Variants in EPS8 observed in about 807,000 individuals in gnomAD.
EPS8 encodes the protein epidermal growth factor receptor kinase substrate 8.
EPS8 carries 42 observed loss-of-function variants against 103.8 expected under a neutral mutation model. The observed-to-expected ratio is 0.40, with a 90% CI of 0.32 to 0.52. The LOEUF (loss-of-function observed/expected upper bound fraction) is 0.52. Ranked by LOEUF, EPS8 falls within the 20% of genes least tolerant of loss-of-function variation. The pLI is 0.40. For missense variants in EPS8, 969 were observed against 1,005.1 expected, an observed-to-expected ratio of 0.96 and a Z score of 0.49; for synonymous variants, 344 against 344.6, an observed-to-expected ratio of 1.00 and a Z score of 0.02.
At chr12:15,753,807 T>C (rs1193271497) in intron 1 of EPS8, among the ~76,000 whole-genome samples, 1 of 152,252 alleles carries the variant, frequency 6.6e-6, no homozygotes, top group East Asian at 1.9e-4. Flanking sequence ...TCCTGAATTT[T>C]ATTAATTTGA....
chr12:15,721,596 T>G lies in EPS8; in HGVS notation c.-21-38624A>C, dbSNP rs1207649672. Among the ~76,000 whole-genome samples, 9 of 152,210 alleles carry G rather than the reference T, an allele frequency of 5.9e-5. No homozygotes were observed. The highest frequency in any genetic ancestry group is 2.9e-5 in the Non-Finnish European group (2 of 68,034). On this transcript the variant is annotated intron_variant, in intron 1 of 20. Coordinates refer to ENST00000281172, the MANE Select transcript of EPS8 (RefSeq NM_004447.6). The surrounding 1 kb of genome is among the most constrained non-coding windows in gnomAD (Gnocchi z 4.4). ...TGCTCTACATCTCAGCCCATCAGTT[T>G]TCCTTCTTTGGAATAGTACATTTTA...
chr12:15,635,010 A>G (rs1230948478), intron 17 of EPS8, among the ~76,000 whole-genome samples: 2 of 152,296 alleles, frequency 1.3e-5, no homozygotes, highest in Non-Finnish European at 1.5e-5. Context: ...GTACTTCAAC[A>G]GTAACTATTT....
At chr12:15,674,841 A>G (rs944277047) in intron 3 of EPS8, among the ~76,000 whole-genome samples, 3 of 56,284 alleles carry the variant, frequency 5.3e-5, no homozygotes, top group African/African-American at 2.1e-4. Flanking sequence ...TCAAAAAAAA[A>G]TTTGTTCTGT....
At position 15,733,220 on chromosome 12, in the gene EPS8, G is replaced by T. The variant is rs1946736145; in HGVS notation, c.-21-50248C>A. Among the ~76,000 whole-genome samples the T allele has an allele frequency of 2.0e-5, 3 of 152,178 alleles. No individual in the cohort carries two copies. In the South Asian group the frequency reaches 6.2e-4, roughly 31 times the overall value. The stretch of plus-strand genomic sequence containing the variant: ...GCTTAACAGGAAGCATAGCTGAGAG[G>T]CCTCAGGAAACTTAGAATCATGGTG... On this transcript the variant is annotated intron_variant, in intron 1 of 20. Transcript: ENST00000281172. The surrounding 1 kb of genome is among the most constrained non-coding windows in gnomAD (Gnocchi z 4.8).
Position 15,751,658 on chromosome 12 carries a change from C to T in EPS8, c.-22+37503G>A, listed in dbSNP as rs1946933008. On this transcript the variant is annotated intron_variant, in intron 1 of 20. Coordinates refer to ENST00000281172, the MANE Select transcript of EPS8 (RefSeq NM_004447.6). This position sits in a 1 kb window ranked among gnomAD's most constrained non-coding sequence, Gnocchi z 4.3. ...CAAGATTTTTTGCCTTTACAAAGGTCACAACCTAGTGAATGAAAGAATATA... is the reference window on the plus strand; with the variant it reads ...CAAGATTTTTTGCCTTTACAAAGGTTACAACCTAGTGAATGAAAGAATATA... 6.6e-6 allele frequency among the ~76,000 whole-genome samples: 1 copy of T among 152,056 alleles called. No homozygotes were observed. The highest frequency in any genetic ancestry group is 1.5e-5 in the Non-Finnish European group (1 of 68,010).
In EPS8 at chr12:15,621,280, T is replaced by C. The variant is rs371604099; in HGVS notation, c.*37A>G. The C allele has an allele frequency of 9.1e-7, 1 of 1,097,574 alleles. No individual in the cohort carries two copies. The highest frequency in any genetic ancestry group is 1.3e-6 in the Non-Finnish European group (1 of 754,112). The allele number at this position is 1,097,574 out of a possible 1,614,324, so 68.0% of individuals were successfully genotyped here. On this transcript the variant is annotated 3_prime_UTR_variant, in exon 21 of 21. Transcript: ENST00000281172. Reference sequence around the variant, plus strand: ...CTTAAAACAAAGCATGTTGGAATAATGCCAAAAACAATGGAGTTTAAATAC... The same window carrying C: ...CTTAAAACAAAGCATGTTGGAATAACGCCAAAAACAATGGAGTTTAAATAC...
rs1047197341 is a variant in EPS8 at position 15,738,527 on chromosome 12, C to T, written c.-22+50634G>A. ...TAATTCATTGAACTTACTGAAGGTC[C>T]TTCTATAATAAGAACATTCTTAGCC... On this transcript the variant is annotated intron_variant, in intron 1 of 20. Transcript: ENST00000281172. The surrounding 1 kb of genome is among the most constrained non-coding windows in gnomAD (Gnocchi z 6.2). 2.0e-5 allele frequency among the ~76,000 whole-genome samples: 3 copies of T among 152,062 alleles called. No individual in the cohort carries two copies. Among genetic ancestry groups the T allele is most frequent in the Non-Finnish European group, 4.4e-5 (3 of 68,014 alleles).
chr12:15,660,576 C>T (rs553446932), intron 10 of EPS8, 38 bp downstream of exon 10: 1 of 1,016,946 alleles, frequency 9.8e-7, no homozygotes, highest in East Asian at 2.4e-5. Context: ...TACTGGAGAT[C>T]TAACCAGGCA....
In EPS8 at chr12:15,728,363, C is replaced by T. The variant is rs1189064293; in HGVS notation, c.-21-45391G>A. 3 of 152,260 alleles carry T rather than the reference C, an allele frequency of 2.0e-5. No homozygotes were observed. Among genetic ancestry groups the T allele is most frequent in the Admixed American group, 6.5e-5 (1 of 15,298 alleles). 9.4% of individuals were successfully genotyped at this position (152,260 alleles called of 1,614,324 possible). A position where few individuals can be genotyped will look rare whatever the true frequency, so the allele number is the denominator to read the frequency against. On this transcript the variant is annotated intron_variant, in intron 1 of 20. Transcript: ENST00000281172. The surrounding 1 kb of genome is among the most constrained non-coding windows in gnomAD (Gnocchi z 4.5). ...GTATATAACTTATCCAGTGTCCTTGCCATGCTAATAACAATCCAAGATGAA... is the reference window on the plus strand; with the variant it reads ...GTATATAACTTATCCAGTGTCCTTGTCATGCTAATAACAATCCAAGATGAA...
rs1205294243 is a variant in EPS8 at position 15,787,327 on chromosome 12, A to T, written c.-22+1834T>A. ...GCAAGCCTATGCCATAGCATAGAAA[A>T]GAACTGGTATCTGAAAAGAATCAGT... On this transcript the variant is annotated intron_variant, in intron 1 of 20. Transcript: ENST00000281172. This position sits in a 1 kb window ranked among gnomAD's most constrained non-coding sequence, Gnocchi z 4.9. 6.6e-6 allele frequency among the ~76,000 whole-genome samples: 1 copy of T among 152,208 alleles called. No homozygotes were observed. Among genetic ancestry groups the T allele is most frequent in the African/African-American group, 2.4e-5 (1 of 41,470 alleles).
chr12:15,712,345 G>C (rs2950432), intron 1 of EPS8, among the ~76,000 whole-genome samples: 1 of 152,114 alleles, frequency 6.6e-6, no homozygotes, highest in African/African-American at 2.4e-5. Context: ...TCAAAGCCAA[G>C]AACAACCTAA....
rs956862436 is a variant in EPS8, at chr12:15,787,232, T to C, written c.-22+1929A>G. Among the ~76,000 whole-genome samples, 2 of 151,888 alleles carry C rather than the reference T, an allele frequency of 1.3e-5. No individual in the cohort carries two copies. The highest frequency in any genetic ancestry group is 4.8e-5 in the African/African-American group (2 of 41,354). On this transcript the variant is annotated intron_variant, in intron 1 of 20. Transcript: ENST00000281172. This position sits in a 1 kb window ranked among gnomAD's most constrained non-coding sequence, Gnocchi z 4.9. The stretch of plus-strand genomic sequence containing the variant: ...GAGAGAAGAATAAAAAGCAGTAGGG[T>C]AAAGGGTGTGAAACAGAGTGTAAGA...
At chr12:15,723,757 A>G (rs1946623912) in intron 1 of EPS8, among the ~76,000 whole-genome samples, 1 of 152,188 alleles carries the variant, frequency 6.6e-6, no homozygotes, top group African/African-American at 2.4e-5. Context: ...TCCATAGATT[A>G]TTCTAATTAT....
chr12:15,692,186 CA>C (rs1482548094), intron 1 of EPS8, among the ~76,000 whole-genome samples: 4 of 152,122 alleles, frequency 2.6e-5, no homozygotes, highest in Non-Finnish European at 4.4e-5. Context: ...GCACATACTT[CA>C]GGGACTTCCT....
chr12:15,647,136 T>A lies in EPS8; in HGVS notation c.1559A>T (p.His520Leu), dbSNP rs757942275. 7.4e-6 allele frequency: 12 copies of A among 1,613,548 alleles called. No homozygotes were observed. The highest frequency in any genetic ancestry group is 1.0e-5 in the Non-Finnish European group (12 of 1,179,790). The stretch of plus-strand genomic sequence containing the variant: ...GCCCATTAAATGTTACCTATCTATA[T>A]GGCGATTAGAAGTTGGCTTAAAAGC... ...AVAFKPTSNR[H>L]IDRNYEPLKT... Residue 520 changes from histidine (H) to leucine (L), a missense_variant, in exon 15 of 21, where the codon CAT (histidine) becomes CTT (leucine). His to Leu is a moderately conservative substitution (Grantham distance 99, BLOSUM62 -3). Coordinates refer to ENST00000281172, the MANE Select transcript of EPS8 (RefSeq NM_004447.6).
At chr12:15,768,460 T>C (rs1187517851) in intron 1 of EPS8, among the ~76,000 whole-genome samples, 2 of 146,184 alleles carry the variant, frequency 1.4e-5, no homozygotes, top group Non-Finnish European at 3.0e-5. Context: ...AAAAAAGAAT[T>C]TTAAGAGCAG....
At chr12:15,662,335 C>T (rs935765166) in intron 8 of EPS8, 1 of 1,249,756 alleles carries the variant, frequency 8.0e-7, no homozygotes, top group Non-Finnish European at 1.0e-6. Context: ...TGTTAATTTA[C>T]CTTGTAATAT....
intron 17 of EPS8, among the ~76,000 whole-genome samples, chr12:15,637,895 G>A (rs1232984576): frequency 5.9e-5 from 9 of 152,126 alleles, no homozygotes; most frequent in Non-Finnish European, 1.2e-4. Context: ...TCTGCTCGGC[G>A]CTAGGCTTTC....
chr12:15,632,253 T>C (rs1945059677), intron 17 of EPS8, among the ~76,000 whole-genome samples: 1 of 152,188 alleles, frequency 6.6e-6, no homozygotes, highest in Admixed American at 6.5e-5. Context: ...GTGAGGGTAA[T>C]GGTATGGTCT....
Sources: allele counts gnomAD v4.1 joint callset (sites outside exome capture counted in the v4.1 genomes callset), GRCh38; gene constraint gnomAD v4.1.1; non-coding constraint Gnocchi (gnomAD v3.1); transcripts MANE v1.5; gene names NCBI Gene and HGNC (gene_info 2026-07-23, HGNC 2026-07-21).